Variants in HACL2 observed in about 807,000 individuals in gnomAD.
HACL2 encodes the protein 2-hydroxyacyl-CoA lyase 1 like.
chr19:15,115,058 G>A, the HACL2 span: 1 of 660,796 alleles, frequency 1.5e-6, no homozygotes, highest in African/African-American at 1.8e-5. Context: ...GCACAGTTGG[G>A]TCCGTGAAGA....
the HACL2 span, among the ~76,000 whole-genome samples, chr19:15,122,334 C>A: frequency 6.7e-6 from 1 of 150,132 alleles, no homozygotes; most frequent in Non-Finnish European, 1.5e-5. This position sits in a 1 kb window ranked among gnomAD's most constrained non-coding sequence, Gnocchi z 4.0. Context: ...AGGAGGAAAA[C>A]GGAGAGGACG....
the HACL2 span, among the ~76,000 whole-genome samples, chr19:15,118,736 G>A: frequency 6.6e-6 from 1 of 152,164 alleles, no homozygotes; most frequent in African/African-American, 2.4e-5. Flanking sequence ...GAGAAACAAG[G>A]GGGCCATGGA....
At chr19:15,122,722 G>C in the HACL2 span, 1 of 1,614,066 alleles carries the variant, frequency 6.2e-7, no homozygotes, top group South Asian at 1.1e-5. The surrounding 1 kb of genome is among the most constrained non-coding windows in gnomAD (Gnocchi z 4.0). Context: ...CGAGGCCCTT[G>C]GGTGGCTTGG....
chr19:15,122,390 G>A, the HACL2 span, among the ~76,000 whole-genome samples: 6 of 152,116 alleles, frequency 3.9e-5, no homozygotes, highest in African/African-American at 7.2e-5. The surrounding 1 kb of genome is among the most constrained non-coding windows in gnomAD (Gnocchi z 4.0). Flanking sequence ...GAAGGAAGAG[G>A]GAGGAGGAAG....
the HACL2 span, chr19:15,115,388 A>G: frequency 6.2e-7 from 1 of 1,614,020 alleles, no homozygotes; most frequent in South Asian, 1.1e-5. Context: ...CCGTGAGAGC[A>G]GCAAGCCCCG....
At chr19:15,120,651 C>A in the HACL2 span, among the ~76,000 whole-genome samples, 1 of 152,202 alleles carries the variant, frequency 6.6e-6, no homozygotes, top group Non-Finnish European at 1.5e-5. Flanking sequence ...TCCTGCCCAG[C>A]CCTCCCCTCA....
chr19:15,119,979 C>A, the HACL2 span: 1 of 1,545,398 alleles, frequency 6.5e-7, no homozygotes, highest in Non-Finnish European at 8.7e-7. Flanking sequence ...AGAGGCAATT[C>A]ACCTGCTGCG....
the HACL2 span, chr19:15,118,091 G>A: frequency 1.3e-6 from 2 of 1,561,082 alleles, no homozygotes; most frequent in Non-Finnish European, 1.8e-6. Flanking sequence ...TGGTGGACTG[G>A]ATGCAAATGA....
chr19:15,119,839 C>G, the HACL2 span: 1 of 625,216 alleles, frequency 1.6e-6, no homozygotes, highest in Non-Finnish European at 2.8e-6. Flanking sequence ...CTGTGAGCCA[C>G]CGCGTCCAGC....
At chr19:15,122,906 T>A in the HACL2 span, 1 of 1,610,014 alleles carries the variant, frequency 6.2e-7, no homozygotes, top group East Asian at 2.2e-5. This position sits in a 1 kb window ranked among gnomAD's most constrained non-coding sequence, Gnocchi z 4.0. Context: ...GGTGCCCGAC[T>A]GGGCGGCAGC....
the HACL2 span, chr19:15,115,980 C>A: frequency 6.2e-7 from 1 of 1,614,114 alleles, no homozygotes; most frequent in Non-Finnish European, 8.5e-7. Flanking sequence ...AGCAGCAAGT[C>A]TCCCAACTCC....
the HACL2 span, among the ~76,000 whole-genome samples, chr19:15,120,854 G>A: frequency 6.6e-6 from 1 of 151,906 alleles, no homozygotes; most frequent in Non-Finnish European, 1.5e-5. Context: ...ATTGCTCGAG[G>A]CCAGGAGTTC....
the HACL2 span, chr19:15,115,401 C>A: frequency 6.2e-7 from 1 of 1,613,718 alleles, no homozygotes; most frequent in Non-Finnish European, 8.5e-7. Context: ...AAGCCCCGGG[C>A]CCCCAGACCC....
At chr19:15,115,306 C>G in the HACL2 span, 1 of 1,614,192 alleles carries the variant, frequency 6.2e-7, no homozygotes. Flanking sequence ...GGATGTTGAC[C>G]ACAACCGGGT....
At chr19:15,120,722 C>G in the HACL2 span, among the ~76,000 whole-genome samples, 1 of 152,210 alleles carries the variant, frequency 6.6e-6, no homozygotes, top group African/African-American at 2.4e-5. Flanking sequence ...AGTCGGAGCT[C>G]AGAGTCAGAA....
At chr19:15,123,626 G>A in the HACL2 span, 20 of 1,573,568 alleles carry the variant, frequency 1.3e-5, no homozygotes, top group Non-Finnish European at 1.7e-5. The surrounding 1 kb of genome is among the most constrained non-coding windows in gnomAD (Gnocchi z 5.1). Flanking sequence ...AGGGCAGAGG[G>A]CAGCTGGGAA....
the HACL2 span, chr19:15,117,763 C>G: frequency 8.8e-7 from 1 of 1,130,590 alleles, no homozygotes. Flanking sequence ...GACTGGCTAC[C>G]CCTAGGGCAA....
At chr19:15,119,470 T>TC in the HACL2 span, 4 of 1,613,998 alleles carry the variant, frequency 2.5e-6, no homozygotes, top group East Asian at 8.9e-5. Context: ...CCCAGCACCA[T>TC]CAGAGGCCTC....
chr19:15,125,780 T>A, the HACL2 span: 2 of 152,390 alleles, frequency 1.3e-5, no homozygotes, highest in Middle Eastern at 3.4e-3. Flanking sequence ...TCCGGCCCGA[T>A]GCGCATGCGC....
Sources: gnomAD v4.1 joint callset for allele counts (sites outside exome capture counted in the v4.1 genomes callset) on GRCh38, gnomAD v4.1.1 for gene constraint, Gnocchi (gnomAD v3.1) non-coding constraint, MANE v1.5 for transcripts, NCBI Gene and HGNC (gene_info 2026-07-23, HGNC 2026-07-21) for gene names.